ASF1B: variants seen among roughly 807,000 people sequenced by gnomAD.
ASF1B encodes the protein anti-silencing function 1B histone chaperone.
ASF1B carries 10 observed loss-of-function variants against 16.6 expected under a neutral mutation model. That is an observed-to-expected ratio of 0.60 (90% CI 0.37 to 1.02). The LOEUF is 1.02. Among genes scored for constraint, ASF1B ranks in the 50% least tolerant of loss-of-function variants. ASF1B has a pLI of 0.01. For missense variants in ASF1B, 240 were observed against 266.0 expected (o/e 0.90, Z 0.68); for synonymous variants, 101 against 106.2 (o/e 0.95, Z 0.30).
chr19:14,126,683 G>C (rs1967323590), intron 1 of ASF1B, among the ~76,000 whole-genome samples: 1 of 152,100 alleles, frequency 6.6e-6, no homozygotes, highest in Admixed American at 6.6e-5. Flanking sequence ...TGTTGATCAG[G>C]CTGGTTTAGA....
At position 14,120,431 on chromosome 19, in the gene ASF1B, C is replaced by A; in HGVS notation, c.*28G>T. On this transcript the variant is annotated 3_prime_UTR_variant, in exon 4 of 4. Transcript: ENST00000263382. ...TGGGAGGCCTGGTTGCCCCTCCCGGCGTGCTGGGACACTCTGGGTTCCTGC... is the reference window on the plus strand; with the variant it reads ...TGGGAGGCCTGGTTGCCCCTCCCGGAGTGCTGGGACACTCTGGGTTCCTGC... 2 of 1,607,730 alleles carry A rather than the reference C, an allele frequency of 1.2e-6. No homozygotes were observed. The highest frequency in any genetic ancestry group is 8.5e-7 in the Non-Finnish European group (1 of 1,177,278).
chr19:14,120,388 G>T lies in ASF1B; in HGVS notation c.*71C>A. On this transcript the variant is annotated 3_prime_UTR_variant, in exon 4 of 4. Coordinates refer to ENST00000263382, the MANE Select transcript of ASF1B (RefSeq NM_018154.3). ...TGATGGCCCCCAAAGTCCTCTAGAT[G>T]GGCCCTGCAGGACTCGCTGGGAGGC... 1 of 1,481,340 alleles carries T rather than the reference G, an allele frequency of 6.8e-7. No homozygotes were observed. Among genetic ancestry groups the T allele is most frequent in the Non-Finnish European group, 9.3e-7 (1 of 1,080,582 alleles). The allele number at this position is 1,481,340 out of a possible 1,614,324, so 91.8% of individuals were successfully genotyped here.
intron 3 of ASF1B, 31 bp downstream of exon 3, chr19:14,121,501 G>A (rs763162136): frequency 3.2e-5 from 51 of 1,605,478 alleles, no homozygotes; most frequent in Admixed American, 5.0e-5. Flanking sequence ...GAACGGCCTT[G>A]TGGGAAGCAG....
intron 1 of ASF1B, among the ~76,000 whole-genome samples, chr19:14,131,403 G>C (rs970255715): frequency 2.0e-5 from 3 of 150,692 alleles, no homozygotes; most frequent in Admixed American, 6.6e-5. Context: ...GGCTGGTCTC[G>C]AACTCCTGAC....
intron 2 of ASF1B, among the ~76,000 whole-genome samples, chr19:14,123,659 C>T (rs986723965): frequency 6.6e-6 from 1 of 152,000 alleles, no homozygotes; most frequent in East Asian, 1.9e-4. Flanking sequence ...GGATTACAGG[C>T]GTGAGCCACT....
chr19:14,121,851 C>T (rs949707828), intron 2 of ASF1B, 143 bp from the exon 3 acceptor site: 30 of 717,928 alleles, frequency 4.2e-5, no homozygotes, highest in Middle Eastern at 8.2e-4. Flanking sequence ...TTCTGCCTCT[C>T]GGGTTCAAAC....
intron 1 of ASF1B, among the ~76,000 whole-genome samples, chr19:14,130,787 G>GTA (rs61351900): frequency 0.37 from 52,334 of 142,172 alleles, 10,180 homozygotes; most frequent in Middle Eastern, 0.49. Flanking sequence ...GTGTTTGTGT[G>GTA]TATATATATA....
rs1307791497 is a variant in ASF1B, at chr19:14,123,205, G to A, written c.226-1497C>T. Among the ~76,000 whole-genome samples the A allele has an allele frequency of 2.0e-5, 3 of 152,110 alleles. No homozygotes were observed. In the East Asian group the frequency reaches 5.8e-4, roughly 29 times the overall value. ...CCAGGAGGCCAGTCCTGACTGTTGA[G>A]TAGATAGGGCCTGTCAGTGGATTTA... On this transcript the variant is annotated intron_variant, in intron 2 of 3. Transcript: ENST00000263382.
chr19:14,130,787 G>GTATATATATATATATATATATATA (rs61351900), intron 1 of ASF1B, among the ~76,000 whole-genome samples: 6 of 142,438 alleles, frequency 4.2e-5, no homozygotes, highest in African/African-American at 1.6e-4. Flanking sequence ...GTGTTTGTGT[G>GTATATATATATATATATATATATA]TATATATATA....
chr19:14,130,802 T>C (rs192260923), intron 1 of ASF1B, among the ~76,000 whole-genome samples: 1 of 150,242 alleles, frequency 6.7e-6, no homozygotes, highest in Non-Finnish European at 1.5e-5. Flanking sequence ...TATATATATA[T>C]ATATATATAA....
chr19:14,135,470 G>C (rs898412655), intron 1 of ASF1B, among the ~76,000 whole-genome samples: 3 of 152,132 alleles, frequency 2.0e-5, no homozygotes, highest in Admixed American at 6.6e-5. Context: ...TCAAGCATAG[G>C]GGGGTTGGGC....
Position 14,120,657 on chromosome 19 carries a change from C to G in ASF1B, c.411G>C (p.Arg137=), listed in dbSNP as rs778206991. The G allele has an allele frequency of 6.2e-7, 1 of 1,614,068 alleles. No homozygotes were observed. Among genetic ancestry groups the G allele is most frequent in the South Asian group, 1.1e-5 (1 of 91,078 alleles). ...PMKPDFSQLQ[R]NILASNPRVT... is the part of the protein sequence containing the mutation. ...CCCGGGGGTTCGAGGCCAAGATGTT[C>G]CGCTGGAGCTGGGGCAGGAAGAGGA... is the stretch of plus-strand genomic sequence containing the variant. Residue 137 remains arginine (R), a synonymous_variant, in exon 4 of 4, where the codon CGG becomes CGC. Transcript: ENST00000263382.
chr19:14,119,668 C>T lies in ASF1B; in HGVS notation c.*791G>A, dbSNP rs999569755. ...GCTGGGGAGGGACAGTTTTCAGGGT[C>T]CCAGTTGCTTCCCTGGCTTGAAATC... On this transcript the variant is annotated 3_prime_UTR_variant, in exon 4 of 4. Coordinates refer to ENST00000263382, the MANE Select transcript of ASF1B (RefSeq NM_018154.3). 3 of 152,650 alleles carry T rather than the reference C, an allele frequency of 2.0e-5. No homozygotes were observed. The highest frequency in any genetic ancestry group is 7.2e-5 in the African/African-American group (3 of 41,436). The allele number at this position is 152,650 out of a possible 1,614,324, so 9.5% of individuals were successfully genotyped here. A position where few individuals can be genotyped will look rare whatever the true frequency, so the allele number is the denominator to read the frequency against.
At chr19:14,131,157 G>C (rs1027999736) in intron 1 of ASF1B, among the ~76,000 whole-genome samples, 1 of 149,912 alleles carries the variant, frequency 6.7e-6, no homozygotes, top group African/African-American at 2.5e-5. Flanking sequence ...GGATTACAGG[G>C]GTAAGCCACT....
chr19:14,121,645 T>A lies in ASF1B; in HGVS notation c.289A>T (p.Ile97Phe). ...TDAVGVTVVL[I>F]TCTYHGQEFI... ...TCCTGTCCATGGTAGGTGCAGGTGA[T>A]GAGGACCACAGTCACACCCACGGCA... is the stretch of plus-strand genomic sequence containing the variant. The change falls in exon 3 of 4, where the codon ATC becomes TTC. Residue 97 changes from isoleucine to phenylalanine, a missense_variant. Physicochemically the swap from Ile to Phe is conservative, Grantham distance 21. Coordinates refer to ENST00000263382, the MANE Select transcript of ASF1B (RefSeq NM_018154.3). The A allele has an allele frequency of 6.2e-7, 1 of 1,613,896 alleles. No homozygotes were observed. The highest frequency in any genetic ancestry group is 8.5e-7 in the Non-Finnish European group (1 of 1,179,970).
chr19:14,132,725 G>A (rs1019480960), intron 1 of ASF1B, among the ~76,000 whole-genome samples: 2 of 152,236 alleles, frequency 1.3e-5, no homozygotes, highest in Middle Eastern at 3.4e-3. Context: ...TACTGAGGCC[G>A]GAGAATCGCT....
chr19:14,123,378 C>CTTTT (rs74181857), intron 2 of ASF1B, among the ~76,000 whole-genome samples: 46 of 119,770 alleles, frequency 3.8e-4, no homozygotes, highest in East Asian at 2.3e-3. Flanking sequence ...TTTCTTTCTT[C>CTTTT]TTTTTTTTTT....
chr19:14,129,340 C>G (rs983230384), intron 1 of ASF1B, among the ~76,000 whole-genome samples: 28 of 152,036 alleles, frequency 1.8e-4, no homozygotes, highest in Non-Finnish European at 1.5e-4. Context: ...TGGAAAGAAA[C>G]TGGAGAATTA....
chr19:14,131,287 C>T (rs926237791), intron 1 of ASF1B, among the ~76,000 whole-genome samples: 1 of 151,324 alleles, frequency 6.6e-6, no homozygotes, highest in Non-Finnish European at 1.5e-5. Context: ...CGGGTTCTAG[C>T]GATTCTTCTG....
Sources: gnomAD v4.1 joint callset for allele counts (sites outside exome capture counted in the v4.1 genomes callset) on GRCh38, gnomAD v4.1.1 for gene constraint, MANE v1.5 for transcripts, NCBI Gene and HGNC (gene_info 2026-07-23, HGNC 2026-07-21) for gene names.